Variants in ZFP41 observed in about 807,000 individuals in gnomAD.
ZFP41 encodes zinc finger protein 41 homolog.
Under a neutral mutation model 11.6 loss-of-function variants are expected in ZFP41, and 10 were observed. The observed-to-expected ratio is 0.86, with a 90% CI of 0.53 to 1.47. The LOEUF (loss-of-function observed/expected upper bound fraction) is 1.47, where lower values mean the gene tolerates loss of function less well. Among genes scored for constraint, ZFP41 ranks in the 40% most tolerant of loss-of-function variants. ZFP41 has a pLI of 0.00. For synonymous variants in ZFP41, 123 were observed against 100.9 expected (o/e 1.22, Z -1.31); for missense variants, 302 against 264.6 (o/e 1.14, Z -0.98).
At chr8:143,247,977 G>A (rs1401592041) in intron 1 of ZFP41, among the ~76,000 whole-genome samples, 3 of 152,062 alleles carry the variant, frequency 2.0e-5, no homozygotes, top group South Asian at 2.1e-4. Flanking sequence ...GTGCCACCAC[G>A]CCCAGCTAAT....
At chr8:143,258,041 G>T (rs2130719409) in intron 2 of ZFP41, among the ~76,000 whole-genome samples, 1 of 152,246 alleles carries the variant, frequency 6.6e-6, no homozygotes, top group Non-Finnish European at 1.5e-5. Context: ...CTAAGCACTT[G>T]CAGGCCAGGC....
In ZFP41 at chr8:143,250,122, G is replaced by A. The variant is rs144267705; in HGVS notation, c.279G>A (p.Gly93=). ...RKKPYECSEC[G]RIFKHKTDHI... ...AACCCTATGAGTGCAGTGAGTGTGG[G>A]CGGATCTTTAAGCACAAGACAGACC... The change falls in exon 2 of 3, where the codon GGG becomes GGA. Residue 93 remains glycine (G), a synonymous_variant. Transcript: ENST00000330701. 3 of 1,614,166 alleles carry A rather than the reference G, an allele frequency of 1.9e-6. No homozygotes were observed. The highest frequency in any genetic ancestry group is 2.5e-6 in the Non-Finnish European group (3 of 1,180,030).
chr8:143,259,370 G>A (rs1293953701), intron 2 of ZFP41, among the ~76,000 whole-genome samples: 7 of 152,226 alleles, frequency 4.6e-5, no homozygotes, highest in Admixed American at 3.9e-4. Context: ...GAGACGGGCC[G>A]GCACAGGGCA....
intron 2 of ZFP41, among the ~76,000 whole-genome samples, chr8:143,258,764 T>C (rs1814970925): frequency 6.6e-6 from 1 of 152,044 alleles, no homozygotes; most frequent in Non-Finnish European, 1.5e-5. Context: ...CCATGGCTCG[T>C]AAATACCTGA....
chr8:143,251,534 C>T (rs868564196), intron 2 of ZFP41, among the ~76,000 whole-genome samples, 194 bp downstream of exon 2: 10 of 152,192 alleles, frequency 6.6e-5, no homozygotes, highest in East Asian at 1.9e-4. Context: ...GAAATGTTGG[C>T]GCCTATGTTT....
intron 2 of ZFP41, among the ~76,000 whole-genome samples, chr8:143,253,961 G>A (rs1296844579): frequency 7.9e-5 from 12 of 152,110 alleles, no homozygotes; most frequent in African/African-American, 1.4e-4. Context: ...CATAAGGAGC[G>A]TGCAACCTAG....
intron 2 of ZFP41, chr8:143,252,614 G>T: frequency 1.0e-6 from 1 of 984,952 alleles, no homozygotes; most frequent in Non-Finnish European, 1.2e-6. Flanking sequence ...GGCCTTCGTG[G>T]CTTCTCAATG....
rs1365080439 is a variant in ZFP41, at chr8:143,261,780, CCCGT to C, written c.*2908_*2911del. 2.8e-5 allele frequency: 6 copies of C among 213,326 alleles called. No individual in the cohort carries two copies. Among genetic ancestry groups the C allele is most frequent in the African/African-American group, 1.4e-4 (6 of 41,612 alleles). The allele number at this position is 213,326 out of a possible 1,614,324, so 13.2% of individuals were successfully genotyped here. On this transcript the variant is annotated 3_prime_UTR_variant, in exon 3 of 3. Coordinates refer to ENST00000330701, the MANE Select transcript of ZFP41 (RefSeq NM_173832.6). ...TACCCGCACCCGTGCACCTTCCACG[CCCGT>C]CTCCAGCAGCCCCTGCCCCCACCCG...
chr8:143,251,953 G>A (rs1359160971), intron 2 of ZFP41, among the ~76,000 whole-genome samples: 4 of 152,164 alleles, frequency 2.6e-5, no homozygotes, highest in Non-Finnish European at 5.9e-5. Context: ...TCCTGCTGCT[G>A]GCCTGGACAG....
chr8:143,252,470 G>T (rs1268866593), intron 2 of ZFP41, among the ~76,000 whole-genome samples: 3 of 152,268 alleles, frequency 2.0e-5, no homozygotes, highest in Non-Finnish European at 2.9e-5. Flanking sequence ...TGTTGCCTGG[G>T]GGGGTTCTGC....
rs201863328 is a variant in ZFP41, at chr8:143,251,007, G to A, written c.*567G>A. 2.9e-4 allele frequency: 49 copies of A among 170,950 alleles called. 1 individual carries two copies. The East Asian group carries it at 8.1e-3, about 28-fold the overall frequency. 10.6% of individuals were successfully genotyped at this position (170,950 alleles called of 1,614,324 possible). ...TGCCCGGGGCCGCTTGTCCCTGCCC[G>A]GCCTCTGTGCCCCAACTGTGCTTGG... On this transcript the variant is annotated 3_prime_UTR_variant, in exon 2 of 3. Coordinates refer to ENST00000330701, the MANE Select transcript of ZFP41 (RefSeq NM_173832.6).
At position 143,261,794 on chromosome 8, in the gene ZFP41, C is replaced by T. The variant is rs1474219090; in HGVS notation, c.*2920C>T. 8.8e-5 allele frequency: 18 copies of T among 205,044 alleles called. No homozygotes were observed. 12.7% of individuals were successfully genotyped at this position (205,044 alleles called of 1,614,324 possible). On this transcript the variant is annotated 3_prime_UTR_variant, in exon 3 of 3. Transcript: ENST00000330701. The stretch of plus-strand genomic sequence containing the variant: ...CACCTTCCACGCCCGTCTCCAGCAG[C>T]CCCTGCCCCCACCCGCACCCCTGCA...
chr8:143,255,801 G>A (rs1232168543), intron 2 of ZFP41, among the ~76,000 whole-genome samples: 8 of 109,036 alleles, frequency 7.3e-5, no homozygotes, highest in African/African-American at 1.5e-4. Flanking sequence ...GGCTCGCCCC[G>A]CGTGCTGGTG....
chr8:143,250,609 C>A lies in ZFP41; in HGVS notation c.*169C>A. ...CCAGTCAGATGTGGGAACGTGCCAG[C>A]GAGGGAGAGACCTTTCCACTGCAGA... On this transcript the variant is annotated 3_prime_UTR_variant, in exon 2 of 3. Transcript: ENST00000330701. 9.2e-7 allele frequency: 1 copy of A among 1,092,650 alleles called. No individual in the cohort carries two copies. The highest frequency in any genetic ancestry group is 1.3e-6 in the Non-Finnish European group (1 of 772,288). 67.7% of individuals were successfully genotyped at this position (1,092,650 alleles called of 1,614,324 possible).
At position 143,259,617 on chromosome 8, in the gene ZFP41, G is replaced by A. The variant is rs1025504150; in HGVS notation, c.*901-158G>A. ...CCCCCACTGATCTTGAGGCCCCCCCGCCCCCAACCCTGGCCTCCGTTGCCC... is the reference window on the plus strand; with the variant it reads ...CCCCCACTGATCTTGAGGCCCCCCCACCCCCAACCCTGGCCTCCGTTGCCC... On this transcript the variant is annotated intron_variant, in intron 2 of 2. Coordinates refer to ENST00000330701, the MANE Select transcript of ZFP41 (RefSeq NM_173832.6). 8.1e-5 allele frequency among the ~76,000 whole-genome samples: 11 copies of A among 135,774 alleles called. No individual in the cohort carries two copies. The South Asian group carries it at 2.4e-3, about 30-fold the overall frequency. 89.1% of individuals were successfully genotyped at this position (135,774 alleles called of 152,430 possible). A position where few individuals can be genotyped will look rare whatever the true frequency, so the allele number is the denominator to read the frequency against.
intron 2 of ZFP41, among the ~76,000 whole-genome samples, chr8:143,257,296 A>G (rs1366463605): frequency 1.3e-5 from 2 of 152,234 alleles, no homozygotes; most frequent in African/African-American, 4.8e-5. Flanking sequence ...GTTCAAGACA[A>G]GTCATGGCTA....
At chr8:143,258,355 TGTAA>T (rs1260501258) in intron 2 of ZFP41, among the ~76,000 whole-genome samples, 14 of 152,152 alleles carry the variant, frequency 9.2e-5, no homozygotes, top group Admixed American at 9.2e-4. Context: ...AAATCTTCCC[TGTAA>T]TCATCTGCTG....
At chr8:143,247,919 A>G (rs1816723639) in intron 1 of ZFP41, among the ~76,000 whole-genome samples, 2 of 152,168 alleles carry the variant, frequency 1.3e-5, no homozygotes, top group Non-Finnish European at 2.9e-5. Context: ...TCCTGGGTTC[A>G]GGCAATTCCC....
rs1038193118 is a variant in ZFP41 at position 143,252,581 on chromosome 8, G to A, written c.*900+1241G>A. On this transcript the variant is annotated intron_variant, in intron 2 of 2. Coordinates refer to ENST00000330701, the MANE Select transcript of ZFP41 (RefSeq NM_173832.6). The stretch of plus-strand genomic sequence containing the variant: ...CCTGTGGCCTCCTGATGGTCCTGCC[G>A]CCTCAGTCGCTGCTGGAAGCACGGC... 18 of 965,830 alleles carry A rather than the reference G, an allele frequency of 1.9e-5. No homozygotes were observed. The Admixed American group carries it at 4.9e-4, about 26-fold the overall frequency. 59.8% of individuals were successfully genotyped at this position (965,830 alleles called of 1,614,324 possible).
Sources: allele counts gnomAD v4.1 joint callset (sites outside exome capture counted in the v4.1 genomes callset), GRCh38; gene constraint gnomAD v4.1.1; transcripts MANE v1.5; gene names NCBI Gene and HGNC (gene_info 2026-07-23, HGNC 2026-07-21).